GPM6A: variants seen among roughly 807,000 people sequenced by gnomAD.
GPM6A encodes glycoprotein M6A.
Under a neutral mutation model 32.1 loss-of-function variants are expected in GPM6A, and 7 were observed. The ratio of observed to expected loss-of-function variants is 0.22; its 90% CI spans 0.12 to 0.41. The LOEUF (loss-of-function observed/expected upper bound fraction) is 0.41, where lower values mean the gene tolerates loss of function less well. Ranked by LOEUF, GPM6A falls within the 10% of genes least tolerant of loss-of-function variation. The pLI, the probability that GPM6A is intolerant of heterozygous loss-of-function variation, is 1.00. For synonymous variants in GPM6A, 130 were observed against 123.4 expected, an observed-to-expected ratio of 1.05 and a Z score of -0.35; for missense variants, 235 against 347.2, an observed-to-expected ratio of 0.68 and a Z score of 2.57.
At chr4:175,778,781 CCTT>C (rs1478729997) in intron 1 of GPM6A, among the ~76,000 whole-genome samples, 1 of 150,266 alleles carries the variant, frequency 6.7e-6, no homozygotes, top group African/African-American at 2.4e-5. Context: ...GACTTTATCT[CCTT>C]AATAACATGT....
At chr4:175,992,060 G>GCACACA (rs1554007513) in intron 1 of GPM6A, among the ~76,000 whole-genome samples, 7 of 137,138 alleles carry the variant, frequency 5.1e-5, no homozygotes, top group East Asian at 2.2e-4. Flanking sequence ...AAACACACAT[G>GCACACA]CACACACACA....
intron 1 of GPM6A, among the ~76,000 whole-genome samples, chr4:175,940,160 T>A (rs1329836526): frequency 2.6e-5 from 4 of 151,856 alleles, no homozygotes; most frequent in Non-Finnish European, 4.4e-5. Context: ...GTCAGGGGAG[T>A]CATAAAAGCA....
At chr4:175,910,863 G>A (rs967422227) in intron 1 of GPM6A, among the ~76,000 whole-genome samples, 3 of 152,074 alleles carry the variant, frequency 2.0e-5, no homozygotes, top group African/African-American at 2.4e-5. Context: ...CCTATAGCCC[G>A]AAGCAGCCAT....
chr4:175,749,913 C>T (rs1367692703), intron 1 of GPM6A, among the ~76,000 whole-genome samples: 8 of 152,156 alleles, frequency 5.3e-5, no homozygotes, highest in African/African-American at 1.9e-4. Context: ...CCTTTGTGGT[C>T]TAACTACATC....
intron 1 of GPM6A, among the ~76,000 whole-genome samples, chr4:175,956,071 T>C (rs943633612): frequency 1.7e-4 from 26 of 152,196 alleles, no homozygotes; most frequent in South Asian, 6.2e-4. Flanking sequence ...CAGAATTCCA[T>C]GGATGGGCGC....
chr4:175,986,382 T>G (rs958643352), intron 1 of GPM6A, among the ~76,000 whole-genome samples: 1 of 150,914 alleles, frequency 6.6e-6, no homozygotes, highest in South Asian at 2.1e-4. Context: ...AAAAAAAAAT[T>G]TTAAATAAGT....
At chr4:175,677,847 C>T (rs1743462472) in intron 2 of GPM6A, among the ~76,000 whole-genome samples, 1 of 152,048 alleles carries the variant, frequency 6.6e-6, no homozygotes, top group Non-Finnish European at 1.5e-5. Context: ...CCAAATGTAC[C>T]AGTCATGAAA....
intron 1 of GPM6A, among the ~76,000 whole-genome samples, chr4:175,938,760 A>G (rs1312298925): frequency 6.6e-6 from 1 of 151,960 alleles, no homozygotes; most frequent in Non-Finnish European, 1.5e-5. Flanking sequence ...GAAATGACAA[A>G]TACTCAAGGT....
chr4:175,788,761 C>G (rs1230712132), intron 1 of GPM6A, among the ~76,000 whole-genome samples: 2 of 152,112 alleles, frequency 1.3e-5, no homozygotes, highest in East Asian at 3.9e-4. Flanking sequence ...TGGGCAAATA[C>G]TTAAACCTAT....
intron 1 of GPM6A, among the ~76,000 whole-genome samples, chr4:175,751,216 C>T (rs1225167507): frequency 6.6e-6 from 1 of 151,856 alleles, no homozygotes; most frequent in African/African-American, 2.4e-5. Context: ...CATTTAGTAT[C>T]ATAGAGAATG....
At chr4:175,712,277 C>T (rs1457327703) in intron 1 of GPM6A, among the ~76,000 whole-genome samples, 2 of 152,164 alleles carry the variant, frequency 1.3e-5, no homozygotes, top group African/African-American at 4.8e-5. Context: ...GGGCTGAATT[C>T]CTCCCTTCCT....
At chr4:175,799,465 A>G (rs1191084484) in intron 1 of GPM6A, among the ~76,000 whole-genome samples, 1 of 152,138 alleles carries the variant, frequency 6.6e-6, no homozygotes, top group East Asian at 1.9e-4. Flanking sequence ...CTAAGAGTCA[A>G]TTGAAGAACA....
intron 1 of GPM6A, among the ~76,000 whole-genome samples, chr4:175,866,774 A>T (rs982630425): frequency 3.3e-5 from 5 of 152,200 alleles, no homozygotes; most frequent in Admixed American, 3.3e-4. Context: ...TCTTTGGGAA[A>T]ATATCAAGGA....
chr4:175,754,550 A>G (rs1429940158), intron 1 of GPM6A, among the ~76,000 whole-genome samples: 1 of 152,208 alleles, frequency 6.6e-6, no homozygotes, highest in Non-Finnish European at 1.5e-5. Flanking sequence ...AAGTAGGAAT[A>G]GTAATCCCAA....
At chr4:175,734,247 G>C (rs1338963760) in intron 1 of GPM6A, among the ~76,000 whole-genome samples, 4 of 151,668 alleles carry the variant, frequency 2.6e-5, no homozygotes, top group Admixed American at 6.6e-5. Flanking sequence ...TTCAGAACCA[G>C]GTTCTGTTCC....
chr4:175,692,797 C>T (rs1330254129), intron 2 of GPM6A, among the ~76,000 whole-genome samples: 1 of 151,812 alleles, frequency 6.6e-6, no homozygotes. Flanking sequence ...ATTAGCTTAC[C>T]TTTAAATTCT....
At chr4:175,721,655 A>G (rs1392533347) in intron 1 of GPM6A, among the ~76,000 whole-genome samples, 1 of 152,204 alleles carries the variant, frequency 6.6e-6, no homozygotes, top group African/African-American at 2.4e-5. Flanking sequence ...CATAAATAAC[A>G]TTATTTGGAA....
At chr4:175,729,589 A>G (rs1731324564) in intron 1 of GPM6A, among the ~76,000 whole-genome samples, 2 of 152,208 alleles carry the variant, frequency 1.3e-5, no homozygotes, top group South Asian at 4.1e-4. Context: ...AATAACTAAA[A>G]GAGTATAAGT....
chr4:175,683,533 T>G (rs1743802364), intron 2 of GPM6A, among the ~76,000 whole-genome samples: 1 of 152,108 alleles, frequency 6.6e-6, no homozygotes, highest in Non-Finnish European at 1.5e-5. Flanking sequence ...TGTCCCTGCT[T>G]AAATCTCATG....
Sources: gnomAD v4.1 joint callset for allele counts (sites outside exome capture counted in the v4.1 genomes callset) on GRCh38, gnomAD v4.1.1 for gene constraint, MANE v1.5 for transcripts, NCBI Gene and HGNC (gene_info 2026-07-23, HGNC 2026-07-21) for gene names.